The following ADAMTS12 variants were observed in gnomAD, a reference collection of about 807,000 sequenced individuals.
The protein encoded by ADAMTS12 is A disintegrin and metalloproteinase with thrombospondin motifs 12.
Under a neutral mutation model 167.8 loss-of-function variants are expected in ADAMTS12, and 118 were observed. The ratio of observed to expected loss-of-function variants is 0.70; its 90% CI spans 0.61 to 0.82. The LOEUF (loss-of-function observed/expected upper bound fraction) is 0.82, where lower values mean the gene tolerates loss of function less well. Ranked by LOEUF, ADAMTS12 falls within the 40% of genes least tolerant of loss-of-function variation. The pLI, the probability that ADAMTS12 is intolerant of heterozygous loss-of-function variation, is 0.00. For synonymous variants in ADAMTS12, 704 were observed against 716.9 expected (o/e 0.98, Z 0.29); for missense variants, 1,916 against 1,998.8 (o/e 0.96, Z 0.79).
chr5:33,586,422 A>G (rs1164459131), intron 18 of ADAMTS12, among the ~76,000 whole-genome samples: 1 of 151,584 alleles, frequency 6.6e-6, no homozygotes, highest in Non-Finnish European at 1.5e-5. Flanking sequence ...CAGCTCTGTC[A>G]AGTGGAAGCT....
At chr5:33,592,267 A>G (rs774299292) in intron 17 of ADAMTS12, among the ~76,000 whole-genome samples, 7 of 151,542 alleles carry the variant, frequency 4.6e-5, no homozygotes. Context: ...ACAAAAAAAC[A>G]AAAAACAAAA....
chr5:33,554,473 G>A (rs916512729), intron 20 of ADAMTS12, among the ~76,000 whole-genome samples: 1 of 152,126 alleles, frequency 6.6e-6, no homozygotes, highest in South Asian at 2.1e-4. Context: ...ATGCTCAGGG[G>A]TGTCAAGAGA....
intron 2 of ADAMTS12, among the ~76,000 whole-genome samples, chr5:33,852,624 T>C (rs908627898): frequency 6.6e-6 from 1 of 152,168 alleles, no homozygotes; most frequent in African/African-American, 2.4e-5. Flanking sequence ...AATGTCTACA[T>C]GGAAATGTGC....
rs144034792 is a variant in ADAMTS12 at position 33,678,210 on chromosome 5, T to A, written c.915+4808A>T. On this transcript the variant is annotated intron_variant, in intron 5 of 23. Coordinates refer to ENST00000504830, the MANE Select transcript of ADAMTS12 (RefSeq NM_030955.4). ...ATCTAGAGTATCCCACAGGATTAGA[T>A]CCAAAGTCCTTATGTGGCCACAAGG... is the stretch of plus-strand genomic sequence containing the variant. 2.7e-3 allele frequency among the ~76,000 whole-genome samples: 414 copies of A among 152,306 alleles called. 7 individuals are homozygous for A. Among genetic ancestry groups the A allele is most frequent in the East Asian group, 0.019 (99 of 5,172 alleles).
chr5:33,779,453 T>C (rs907607431), intron 2 of ADAMTS12, among the ~76,000 whole-genome samples: 1 of 152,162 alleles, frequency 6.6e-6, no homozygotes, highest in African/African-American at 2.4e-5. Flanking sequence ...CCCAAAGTGC[T>C]GGGATTACAG....
At chr5:33,742,603 C>T (rs988053151) in intron 3 of ADAMTS12, among the ~76,000 whole-genome samples, 3 of 152,192 alleles carry the variant, frequency 2.0e-5, no homozygotes, top group African/African-American at 7.2e-5. Flanking sequence ...ACCTCATTTA[C>T]TCATGCAATT....
At chr5:33,535,119 A>T in intron 22 of ADAMTS12, 127 bp from the exon 23 acceptor site, 1 of 940,196 alleles carries the variant, frequency 1.1e-6, no homozygotes, top group Non-Finnish European at 1.5e-6. Flanking sequence ...ACCTTTTTGG[A>T]GGAGTCATAG....
At chr5:33,686,904 C>A (rs1255299461) in intron 3 of ADAMTS12, among the ~76,000 whole-genome samples, 1 of 141,212 alleles carries the variant, frequency 7.1e-6, no homozygotes, top group East Asian at 2.1e-4. Flanking sequence ...TACACATATT[C>A]TCTATATATA....
chr5:33,719,365 C>A (rs1279232223), intron 3 of ADAMTS12, among the ~76,000 whole-genome samples: 5 of 152,166 alleles, frequency 3.3e-5, no homozygotes, highest in African/African-American at 1.2e-4. Context: ...GAAGAGCAGG[C>A]ACCCTCATAC....
intron 3 of ADAMTS12, among the ~76,000 whole-genome samples, chr5:33,710,194 G>A (rs946236506): frequency 6.6e-6 from 1 of 152,152 alleles, no homozygotes; most frequent in African/African-American, 2.4e-5. Context: ...TATTTTTAGA[G>A]TTTTAAATTT....
At chr5:33,660,697 G>C (rs1671456631) in intron 6 of ADAMTS12, among the ~76,000 whole-genome samples, 2 of 152,148 alleles carry the variant, frequency 1.3e-5, no homozygotes, top group Non-Finnish European at 2.9e-5. Flanking sequence ...CAGGCTGTCT[G>C]CTAGCTCCCC....
At chr5:33,805,812 C>T (rs1217124248) in intron 2 of ADAMTS12, among the ~76,000 whole-genome samples, 1 of 151,602 alleles carries the variant, frequency 6.6e-6, no homozygotes, top group Non-Finnish European at 1.5e-5. Context: ...AGCTTGAGCC[C>T]AGGAGTTCGA....
chr5:33,546,042 GT>G lies in ADAMTS12; in HGVS notation c.4446+16del. The G allele has an allele frequency of 2.5e-6, 4 of 1,587,742 alleles. No individual in the cohort carries two copies. The highest frequency in any genetic ancestry group is 3.4e-6 in the Non-Finnish European group (4 of 1,171,642). ...AAAAAAGCTAAAGTAAAAAAAGTATGTATAACCAAGTCTTACCAGGTCCCAG... is the reference window on the plus strand; with the variant it reads ...AAAAAAGCTAAAGTAAAAAAAGTATGATAACCAAGTCTTACCAGGTCCCAG... On this transcript the variant is annotated intron_variant, in intron 22 of 23. Transcript: ENST00000504830.
At chr5:33,559,404 C>T (rs981516878) in intron 20 of ADAMTS12, among the ~76,000 whole-genome samples, 1 of 152,164 alleles carries the variant, frequency 6.6e-6, no homozygotes, top group African/African-American at 2.4e-5. Context: ...TGAATTATCC[C>T]CCAAGAACTG....
chr5:33,611,230 A>G (rs10472227), intron 16 of ADAMTS12, among the ~76,000 whole-genome samples: 1 of 152,214 alleles, frequency 6.6e-6, no homozygotes, highest in Non-Finnish European at 1.5e-5. Context: ...AAAGTATTTA[A>G]CCATATACAT....
At chr5:33,530,654 A>C (rs934772763) in intron 23 of ADAMTS12, among the ~76,000 whole-genome samples, 18 of 152,178 alleles carry the variant, frequency 1.2e-4, no homozygotes, top group African/African-American at 3.9e-4. Context: ...CGTTCCACAA[A>C]GCTTCTTCTG....
intron 11 of ADAMTS12, 36 bp downstream of exon 11, chr5:33,641,774 T>A: frequency 6.6e-7 from 1 of 1,514,864 alleles, no homozygotes; most frequent in Non-Finnish European, 9.0e-7. Context: ...CCCCAGCACA[T>A]GTGGAGAGAA....
intron 3 of ADAMTS12, among the ~76,000 whole-genome samples, chr5:33,720,599 A>G (rs1292533601): frequency 2.0e-5 from 3 of 152,222 alleles, no homozygotes; most frequent in South Asian, 4.1e-4. Flanking sequence ...TATTGGTTCT[A>G]CTTTGAAAAT....
chr5:33,737,469 A>G (rs1184081693), intron 3 of ADAMTS12, among the ~76,000 whole-genome samples: 2 of 152,234 alleles, frequency 1.3e-5, no homozygotes, highest in African/African-American at 2.4e-5. Flanking sequence ...TTTCAGTTTA[A>G]TAAGTAAAAA....
Sources: allele counts gnomAD v4.1 joint callset (sites outside exome capture counted in the v4.1 genomes callset), GRCh38; gene constraint gnomAD v4.1.1; transcripts MANE v1.5; gene names NCBI Gene and HGNC (gene_info 2026-07-23, HGNC 2026-07-21).